EPPK1: variants seen among roughly 807,000 people sequenced by gnomAD.
EPPK1 encodes the protein epiplakin 1, also known as epiplakin.
For synonymous variants in EPPK1, 1,862 were observed against 1,721.2 expected, an observed-to-expected ratio of 1.08 and a Z score of -2.03; for missense variants, 3,823 against 3,673.3, an observed-to-expected ratio of 1.04 and a Z score of -1.05.
chr8:143,869,790 T>G lies in EPPK1; in HGVS notation c.3464A>C (p.Glu1155Ala). The G allele has an allele frequency of 6.2e-7, 1 of 1,605,592 alleles. No individual in the cohort carries two copies. Among genetic ancestry groups the G allele is most frequent in the Non-Finnish European group, 8.5e-7 (1 of 1,176,944 alleles). ...CTCCAGCAGGCCCCTCCGTTGCTCC[T>G]CGGTGAAGTGGCAGGAGCTGAGCAG... ...WDLLSSCHFT[E>A]EQRRGLLEDV... The change falls in exon 2 of 2, where the codon GAG becomes GCG. Residue 1155 changes from glutamate to alanine, a missense_variant. Transcript: ENST00000615648.
chr8:143,867,939 G>A lies in EPPK1; in HGVS notation c.5315C>T (p.Ala1772Val), dbSNP rs1819189085. 1.2e-6 allele frequency: 2 copies of A among 1,613,478 alleles called. No homozygotes were observed. Among genetic ancestry groups the A allele is most frequent in the African/African-American group, 1.3e-5 (1 of 74,894 alleles). ...KGENYVYINEATRHVLQSRTA... is the reference protein window; with the variant it reads ...KGENYVYINEVTRHVLQSRTA... ...TCTGGATTGCAACACGTGTCTCGTG[G>A]CCTCATTGATGTACACGTAGTTTTC... The change falls in exon 2 of 2, where the codon GCC becomes GTC. Residue 1772 changes from alanine (A) to valine (V), a missense_variant. Transcript: ENST00000615648.
chr8:143,858,002 A>G lies in EPPK1; in HGVS notation c.15252T>C (p.Ser5084=), dbSNP rs1554657885. 1 of 1,604,658 alleles carries G rather than the reference A, an allele frequency of 6.2e-7. No individual in the cohort carries two copies. Residue 5084 remains serine (S), a synonymous_variant, in exon 2 of 2, where the codon TCT becomes TCC. Coordinates refer to ENST00000615648, the MANE Select transcript of EPPK1 (RefSeq NM_031308.4). ...LDPETGLLFL[S]LSLQ ...GGAAGCCCAGTCACTGTAGAGAGAG[A>G]GAAAGAAATAGGAGCCCCGTCTCAG...
In EPPK1 at chr8:143,870,173, C is replaced by T. The variant is rs1554660649; in HGVS notation, c.3081G>A (p.Lys1027=). ...GKQVSVFQAM[K]KGLIPWEQAA... Reference sequence around the variant, plus strand: ...CTTGCTCCCAAGGGATGAGACCTTTCTTCATGGCCTGGAACACAGACACCT... The same window carrying T: ...CTTGCTCCCAAGGGATGAGACCTTTTTTCATGGCCTGGAACACAGACACCT... The change falls in exon 2 of 2, where the codon AAG becomes AAA. Residue 1027 remains lysine, a synonymous_variant. Transcript: ENST00000615648. This position sits in a 1 kb window ranked among gnomAD's most constrained non-coding sequence, Gnocchi z 5.2. 3 of 1,611,784 alleles carry T rather than the reference C, an allele frequency of 1.9e-6. No homozygotes were observed. The highest frequency in any genetic ancestry group is 1.1e-5 in the South Asian group (1 of 90,880).
chr8:143,874,679 GT>G (rs1819446913), intron 1 of EPPK1, among the ~76,000 whole-genome samples: 1 of 152,116 alleles, frequency 6.6e-6, no homozygotes, highest in African/African-American at 2.4e-5. Context: ...CCTGGTCAGT[GT>G]TCTGCACCCC....
chr8:143,878,413 G>GCACCTGC (rs1819529638), intron 1 of EPPK1, 25 bp downstream of exon 1: 1 of 92,146 alleles, frequency 1.1e-5, no homozygotes, highest in Non-Finnish European at 2.3e-5. Context: ...CGCCGCACCC[G>GCACCTGC]CCGCACCCGC....
At position 143,858,082 on chromosome 8, in the gene EPPK1, T is replaced by C; in HGVS notation, c.15172A>G (p.Asn5058Asp). ...SDDTKGFFDPNTHENLTYLQL... is the reference protein window; with the variant it reads ...SDDTKGFFDPDTHENLTYLQL... The stretch of plus-strand genomic sequence containing the variant: ...AGGTACGTGAGGTTCTCGTGCGTGT[T>C]GGGGTCGAAGAAGCCCTTGGTGTCG... The change falls in exon 2 of 2, where the codon AAC becomes GAC. Residue 5058 changes from asparagine (N) to aspartate (D), a missense_variant. Transcript: ENST00000615648. 1.2e-6 allele frequency: 2 copies of C among 1,613,478 alleles called. No individual in the cohort carries two copies. The highest frequency in any genetic ancestry group is 1.7e-6 in the Non-Finnish European group (2 of 1,180,002).
chr8:143,868,425 G>C lies in EPPK1; in HGVS notation c.4829C>G (p.Ala1610Gly). 1 of 1,612,580 alleles carries C rather than the reference G, an allele frequency of 6.2e-7. No homozygotes were observed. Among genetic ancestry groups the C allele is most frequent in the South Asian group, 1.1e-5 (1 of 91,080 alleles). ...CACGGGGTCGATGATGAAGCCGGTA[G>C]CTGCCTGTGCCTCCAGCAGCACCAG... ...TALVLLEAQAATGFIIDPVEN... is the reference protein window; with the variant it reads ...TALVLLEAQAGTGFIIDPVEN... The change falls in exon 2 of 2, where the codon GCT becomes GGT. Residue 1610 changes from alanine (A) to glycine (G), a missense_variant. Coordinates refer to ENST00000615648, the MANE Select transcript of EPPK1 (RefSeq NM_031308.4).
At position 143,867,278 on chromosome 8, in the gene EPPK1, G is replaced by A. The variant is rs376941147; in HGVS notation, c.5976C>T (p.Ala1992=). 9 of 1,612,210 alleles carry A rather than the reference G, an allele frequency of 5.6e-6. No individual in the cohort carries two copies. Among genetic ancestry groups the A allele is most frequent in the Non-Finnish European group, 6.8e-6 (8 of 1,179,510 alleles). Residue 1992 remains alanine (A), a synonymous_variant, in exon 2 of 2, where the codon GCC becomes GCT. Transcript: ENST00000615648. ...CCTTCTCGATGAGCTGCTTCTGCAT[G>A]GCCTGGAACAGCGGGATCGTGTCTC... ...ATGDTIPLFQ[A]MQKQLIEKAE... is the part of the protein sequence containing the mutation.
rs1554659568 is a variant in EPPK1, at chr8:143,867,681, T to C, written c.5573A>G (p.Asp1858Gly). Residue 1858 changes from aspartate (D) to glycine (G), a missense_variant, in exon 2 of 2, where the codon GAC becomes GGC. Transcript: ENST00000615648. Reference protein sequence around the residue: ...AAIRGEVTAADLFNSRVIDQK... With the variant: ...AAIRGEVTAAGLFNSRVIDQK... The stretch of plus-strand genomic sequence containing the variant: ...ATCGATGACCCTGGAGTTGAACAGG[T>C]CTGCAGCTGTCACCTCCCCTCTGAT... 2.5e-6 allele frequency: 4 copies of C among 1,613,476 alleles called. No homozygotes were observed. In the Admixed American group the frequency reaches 5.0e-5, roughly 20 times the overall value.
At position 143,866,835 on chromosome 8, in the gene EPPK1, A is replaced by C; in HGVS notation, c.6419T>G (p.Val2140Gly). ...TCTGGTGTGTGTTCTATACATCCTC[A>C]CCAGCTGGAGCTTCTTCTCCTCTGT... The part of the protein sequence containing the change: ...YVTEEKKLQL[V>G]RMYRTHTRRA... The change falls in exon 2 of 2, where the codon GTG (valine) becomes GGG (glycine). Residue 2140 changes from valine (V) to glycine (G), a missense_variant. Val to Gly is a moderately radical substitution (Grantham distance 109). Transcript: ENST00000615648. 1 of 1,613,294 alleles carries C rather than the reference A, an allele frequency of 6.2e-7. No homozygotes were observed. The highest frequency in any genetic ancestry group is 1.1e-5 in the South Asian group (1 of 91,076).
chr8:143,871,201 C>T lies in EPPK1; in HGVS notation c.2053G>A (p.Glu685Lys). 13 of 1,613,208 alleles carry T rather than the reference C, an allele frequency of 8.1e-6. No individual in the cohort carries two copies. Among genetic ancestry groups the T allele is most frequent in the Non-Finnish European group, 9.3e-6 (11 of 1,180,010 alleles). ...PDVFAKLLSAERAVTGYTDPY... is the reference protein window; with the variant it reads ...PDVFAKLLSAKRAVTGYTDPY... ...TCAGTGTAGCCAGTGACAGCGCGCTCAGCCGACAGCAGCTTCGCGAACACA... is the reference window on the plus strand; with the variant it reads ...TCAGTGTAGCCAGTGACAGCGCGCTTAGCCGACAGCAGCTTCGCGAACACA... Residue 685 changes from glutamate (E) to lysine (K), a missense_variant, in exon 2 of 2, where the codon GAG (glutamate) becomes AAG (lysine). Coordinates refer to ENST00000615648, the MANE Select transcript of EPPK1 (RefSeq NM_031308.4).
chr8:143,867,317 C>T lies in EPPK1; in HGVS notation c.5937G>A (p.Arg1979=). The T allele has an allele frequency of 6.2e-7, 1 of 1,612,712 alleles. No individual in the cohort carries two copies. Among genetic ancestry groups the T allele is most frequent in the Non-Finnish European group, 8.5e-7 (1 of 1,179,794 alleles). The change falls in exon 2 of 2, where the codon AGG becomes AGA. Residue 1979 remains arginine (R), a synonymous_variant. Coordinates refer to ENST00000615648, the MANE Select transcript of EPPK1 (RefSeq NM_031308.4). ...GGATCGTGTCTCCTGTGGCCGGATC[C>T]CTGTAGCCCGTGGCAGCTCTTTCAG... is the stretch of plus-strand genomic sequence containing the variant. ...LKAERAATGY[R]DPATGDTIPL... is the part of the protein sequence containing the mutation.
rs563449577 is a variant in EPPK1 at position 143,866,615 on chromosome 8, G to A, written c.6639C>T (p.Asp2213=). 3.4e-5 allele frequency: 55 copies of A among 1,612,900 alleles called. No individual in the cohort carries two copies. Among genetic ancestry groups the A allele is most frequent in the Admixed American group, 2.5e-4 (15 of 60,030 alleles). The change falls in exon 2 of 2, where the codon GAC becomes GAT. Residue 2213 remains aspartate (D), a synonymous_variant. Coordinates refer to ENST00000615648, the MANE Select transcript of EPPK1 (RefSeq NM_031308.4). ...CCTCCAGGTAGCGCTTGACGCGGTC[G>A]TCCTCCATGAGCTCTTGCGTCGTGC... ...GRSTTQELME[D]DRVKRYLEGT...
rs1368305824 is a variant in EPPK1, at chr8:143,869,927, G to A, written c.3327C>T (p.Gly1109=). 9.3e-6 allele frequency: 15 copies of A among 1,609,010 alleles called. No homozygotes were observed. The highest frequency in any genetic ancestry group is 1.7e-5 in the Admixed American group (1 of 59,658). Residue 1109 remains glycine, a synonymous_variant, in exon 2 of 2, where the codon GGC becomes GGT. Transcript: ENST00000615648. ...LEECPRDETS[G]LHLLPLPESA... ...TTTCTGGCAGGGGCAGGAGGTGAAG[G>A]CCAGAAGTCTCATCCCTGGGGCACT...
Position 143,870,631 on chromosome 8 carries a change from G to A in EPPK1, c.2623C>T (p.Gln875Ter), listed in dbSNP as rs1554660850. 1 of 1,606,266 alleles carries A rather than the reference G, an allele frequency of 6.2e-7. No individual in the cohort carries two copies. Among genetic ancestry groups the A allele is most frequent in the Non-Finnish European group, 8.5e-7 (1 of 1,177,336 alleles). The change falls in exon 2 of 2, where the codon CAG becomes TAG. Residue 875 changes from glutamine (Q) to a stop codon, truncating the protein, a stop_gained. Transcript: ENST00000615648. LOFTEE classifies it low-confidence loss of function (END_TRUNC). This position sits in a 1 kb window ranked among gnomAD's most constrained non-coding sequence, Gnocchi z 5.2. Reference protein sequence around the residue: ...AKLLEAETQRQADIMLPALRS... With the variant: ...AKLLEAETQR ...AGTGCGGGCAGCATGATGTCCGCCT[G>A]TCTCTGCGTCTCCGCCTCCAGCAGC...
Position 143,867,531 on chromosome 8 carries a change from C to T in EPPK1, c.5723G>A (p.Arg1908Lys). The T allele has an allele frequency of 6.2e-7, 1 of 1,612,664 alleles. No individual in the cohort carries two copies. The highest frequency in any genetic ancestry group is 8.5e-7 in the Non-Finnish European group (1 of 1,179,812). ...CIAGVTVPSTREVMSLHEASR... is the reference protein window; with the variant it reads ...CIAGVTVPSTKEVMSLHEASR... Reference sequence around the variant, plus strand: ...GGCCTCATGGAGGCTCATGACCTCCCTGGTGGAGGGCACCGTGACCCCCGC... The same window carrying T: ...GGCCTCATGGAGGCTCATGACCTCCTTGGTGGAGGGCACCGTGACCCCCGC... The change falls in exon 2 of 2, where the codon AGG becomes AAG. Residue 1908 changes from arginine to lysine, a missense_variant. Arg to Lys is a conservative substitution (Grantham distance 26, BLOSUM62 2). Coordinates refer to ENST00000615648, the MANE Select transcript of EPPK1 (RefSeq NM_031308.4).
In EPPK1 at chr8:143,867,996, C is replaced by T; in HGVS notation, c.5258G>A (p.Gly1753Asp). The part of the protein sequence containing the change: ...LERCVEDPET[G>D]LYLLQIIKKG... ...CTTTATGATTTGTAGCAGGTACAGG[C>T]CCGTCTCGGGGTCCTCCACACAGCG... is the stretch of plus-strand genomic sequence containing the variant. Residue 1753 changes from glycine to aspartate, a missense_variant, in exon 2 of 2, where the codon GGC becomes GAC. Gly to Asp is a moderately conservative substitution (Grantham distance 94). Transcript: ENST00000615648. 1 of 1,613,690 alleles carries T rather than the reference C, an allele frequency of 6.2e-7. No individual in the cohort carries two copies. The highest frequency in any genetic ancestry group is 8.5e-7 in the Non-Finnish European group (1 of 1,180,008).
Position 143,869,562 on chromosome 8 carries a change from T to C in EPPK1, c.3692A>G (p.Gln1231Arg), listed in dbSNP as rs1274992089. The C allele has an allele frequency of 1.9e-6, 3 of 1,558,842 alleles. 1 individual carries two copies. Among genetic ancestry groups the C allele is most frequent in the Middle Eastern group, 3.4e-4 (2 of 5,948 alleles). Residue 1231 changes from glutamine (Q) to arginine (R), a missense_variant, in exon 2 of 2, where the codon CAG becomes CGG. Transcript: ENST00000615648. The part of the protein sequence containing the change: ...ALAQGTQSPA[Q>R]VAEQPAVKAC... Reference sequence around the variant, plus strand: ...CTTCACCGCCGGCTGCTCGGCGACCTGGGCGGGCGACTGCGTGCCCTGAGC... The same window carrying C: ...CTTCACCGCCGGCTGCTCGGCGACCCGGGCGGGCGACTGCGTGCCCTGAGC...
At position 143,872,595 on chromosome 8, in the gene EPPK1, C is replaced by T. The variant is rs200639583; in HGVS notation, c.659G>A (p.Arg220His). Residue 220 changes from arginine (R) to histidine (H), a missense_variant, in exon 2 of 2, where the codon CGT (arginine) becomes CAT (histidine). Physicochemically the swap from Arg to His is conservative, Grantham distance 29. Transcript: ENST00000615648. ...CAAGGCTAGCCCCGAGCCGGGGGCACGCACACACCTTTCCAGCAGCTGGTG... is the reference window on the plus strand; with the variant it reads ...CAAGGCTAGCCCCGAGCCGGGGGCATGCACACACCTTTCCAGCAGCTGGTG... Reference protein sequence around the residue: ...TYHQLLERCVRAPGSGLALLP... With the variant: ...TYHQLLERCVHAPGSGLALLP... 3.7e-4 allele frequency: 600 copies of T among 1,610,172 alleles called. No homozygotes were observed. The highest frequency in any genetic ancestry group is 1.8e-3 in the Middle Eastern group (11 of 6,056).
Sources: allele counts gnomAD v4.1 joint callset (sites outside exome capture counted in the v4.1 genomes callset), GRCh38; gene constraint gnomAD v4.1.1; non-coding constraint Gnocchi (gnomAD v3.1); transcripts MANE v1.5; gene names NCBI Gene and HGNC (gene_info 2026-07-23, HGNC 2026-07-21).